The following SEMA3A variants were observed in gnomAD, a reference collection of about 807,000 sequenced individuals.
The protein encoded by SEMA3A is semaphorin-3A.
Under a neutral mutation model 97.9 loss-of-function variants are expected in SEMA3A, and 29 were observed. The observed-to-expected ratio is 0.30, with a 90% confidence interval of 0.22 to 0.40. The LOEUF (loss-of-function observed/expected upper bound fraction) is 0.40, where lower values mean the gene tolerates loss of function less well. SEMA3A is among the 10% of genes least tolerant of loss of function. The pLI is 1.00. For missense variants in SEMA3A, 763 were observed against 951.3 expected (o/e 0.80, Z 2.60); for synonymous variants, 321 against 323.7 (o/e 0.99, Z 0.09).
chr7:84,053,815 C>A (rs1412622782), intron 5 of SEMA3A, among the ~76,000 whole-genome samples: 1 of 126,212 alleles, frequency 7.9e-6, no homozygotes, highest in Middle Eastern at 3.8e-3. Context: ...TCTCAATGGT[C>A]TTTACATTTT....
intron 3 of SEMA3A, among the ~76,000 whole-genome samples, chr7:84,279,365 C>G (rs1409567424): frequency 6.6e-6 from 1 of 152,042 alleles, no homozygotes; most frequent in Non-Finnish European, 1.5e-5. Flanking sequence ...CTTTCCTACC[C>G]AAAATGCATA....
chr7:84,453,058 A>T (rs1805598546), intron 1 of SEMA3A, among the ~76,000 whole-genome samples: 1 of 152,158 alleles, frequency 6.6e-6, no homozygotes, highest in Non-Finnish European at 1.5e-5. Context: ...GGTTAACCTA[A>T]TCCAAAACCT....
intron 2 of SEMA3A, among the ~76,000 whole-genome samples, chr7:84,354,372 T>C (rs1239275666): frequency 6.6e-6 from 1 of 151,670 alleles, no homozygotes; most frequent in East Asian, 1.9e-4. Context: ...AGATATGGTG[T>C]TTTCAAATAA....
chr7:84,311,090 A>G (rs1463307595), intron 2 of SEMA3A, among the ~76,000 whole-genome samples: 1 of 151,838 alleles, frequency 6.6e-6, no homozygotes, highest in African/African-American at 2.4e-5. Context: ...GTAATTTCAA[A>G]CAATCTTATC....
intron 1 of SEMA3A, among the ~76,000 whole-genome samples, chr7:84,449,716 C>T (rs771295455): frequency 1.1e-4 from 17 of 152,120 alleles, no homozygotes; most frequent in Non-Finnish European, 2.4e-4. Context: ...GAAACTTTTT[C>T]ATTAAATAGC....
At chr7:84,247,560 C>T (rs893620069) in intron 3 of SEMA3A, among the ~76,000 whole-genome samples, 2 of 152,130 alleles carry the variant, frequency 1.3e-5, no homozygotes, top group African/African-American at 2.4e-5. Flanking sequence ...TAAAGAGTAA[C>T]ATAACTTCCC....
At position 84,300,055 on chromosome 7, in the gene SEMA3A, A is replaced by G. The variant is rs1181462549; in HGVS notation, c.-83+7152T>C. ...CACAAAAAAAAAAAAAAAAAAAGAA[A>G]GAAAAAGAAACTTAGGAATTAAAAC... On this transcript the variant is annotated intron_variant, in intron 3 of 3. Coordinates refer to the SEMA3A transcript ENST00000424555. 3.3e-5 allele frequency among the ~76,000 whole-genome samples: 5 copies of G among 149,466 alleles called. 1 individual carries two copies. Among genetic ancestry groups the G allele is most frequent in the African/African-American group, 1.2e-4 (5 of 40,984 alleles).
At chr7:84,185,470 G>A (rs373316527) in intron 1 of SEMA3A, among the ~76,000 whole-genome samples, 4 of 151,768 alleles carry the variant, frequency 2.6e-5, no homozygotes, top group Non-Finnish European at 4.4e-5. Flanking sequence ...TCAGGAGTTC[G>A]AGACCAGCCT....
At chr7:83,966,717 CT>C (rs35906806) in intron 15 of SEMA3A, among the ~76,000 whole-genome samples, 116,442 of 147,514 alleles carry the variant, frequency 0.79, 46,511 homozygotes, top group African/African-American at 0.93. Flanking sequence ...AATTTTTTTT[CT>C]TTTTTTTTTT....
At chr7:84,403,277 AC>A (rs1803959755) in intron 1 of SEMA3A, among the ~76,000 whole-genome samples, 2 of 152,138 alleles carry the variant, frequency 1.3e-5, no homozygotes, top group South Asian at 4.1e-4. Flanking sequence ...AGGGTCCTAC[AC>A]CCACGAAGCC....
At chr7:84,072,549 C>G (rs1793779604) in intron 4 of SEMA3A, among the ~76,000 whole-genome samples, 1 of 151,902 alleles carries the variant, frequency 6.6e-6, no homozygotes, top group South Asian at 2.1e-4. Flanking sequence ...ATATGTTCAC[C>G]TTGTATTTAT....
chr7:84,402,900 G>C (rs1188528413), intron 1 of SEMA3A, among the ~76,000 whole-genome samples: 1 of 152,122 alleles, frequency 6.6e-6, no homozygotes, highest in Admixed American at 6.5e-5. Context: ...ATGTTGGTGA[G>C]GCCAGGAAGG....
chr7:84,348,703 G>T (rs926189577), intron 2 of SEMA3A, among the ~76,000 whole-genome samples: 2 of 152,088 alleles, frequency 1.3e-5, no homozygotes, highest in African/African-American at 4.8e-5. Context: ...TCTGTATTTT[G>T]GCCAGGTGCA....
chr7:84,113,407 G>C (rs555034843), intron 3 of SEMA3A, among the ~76,000 whole-genome samples: 1 of 152,266 alleles, frequency 6.6e-6, no homozygotes, highest in Admixed American at 6.5e-5. Flanking sequence ...TTATTTGGAA[G>C]CAGCTTGGAC....
intron 3 of SEMA3A, among the ~76,000 whole-genome samples, chr7:84,281,025 C>G (rs1326281897): frequency 6.6e-6 from 1 of 152,136 alleles, no homozygotes. Flanking sequence ...CTTGCCACCT[C>G]CTTTACTTTT....
chr7:84,258,917 T>TTTTC (rs1354022391), intron 3 of SEMA3A, among the ~76,000 whole-genome samples: 4 of 152,114 alleles, frequency 2.6e-5, no homozygotes, highest in African/African-American at 9.6e-5. Context: ...TTTTTTTTTT[T>TTTTC]TTTCCTTTTC....
chr7:84,251,269 G>T lies in SEMA3A; in HGVS notation c.-83+55938C>A, dbSNP rs575805359. ...TTGGTTAAAATGAAAAATGTCATTT[G>T]TTGATCCAAGGTACTATGTTTTGGA... On this transcript the variant is annotated intron_variant, in intron 3 of 3. Coordinates refer to the SEMA3A transcript ENST00000424555. Among the ~76,000 whole-genome samples, 7 of 152,290 alleles carry T rather than the reference G, an allele frequency of 4.6e-5. No homozygotes were observed. The South Asian group carries it at 1.4e-3, about 32-fold the overall frequency.
chr7:84,436,264 G>A (rs1253136680), intron 1 of SEMA3A, among the ~76,000 whole-genome samples: 1 of 152,108 alleles, frequency 6.6e-6, no homozygotes, highest in Non-Finnish European at 1.5e-5. Flanking sequence ...TCTGGACTTT[G>A]CCCTTGGGAA....
intron 12 of SEMA3A, among the ~76,000 whole-genome samples, chr7:84,000,149 A>G (rs1352732384): frequency 2.0e-5 from 3 of 152,132 alleles, no homozygotes; most frequent in Non-Finnish European, 2.9e-5. Context: ...AAATCTAAAC[A>G]TACATACTCT....
Sources: allele counts gnomAD v4.1 joint callset (sites outside exome capture counted in the v4.1 genomes callset), GRCh38; gene constraint gnomAD v4.1.1; transcripts MANE v1.5; gene names NCBI Gene and HGNC (gene_info 2026-07-23, HGNC 2026-07-21).